ADGRL3: variants seen among roughly 807,000 people sequenced by gnomAD.
ADGRL3 encodes adhesion G protein-coupled receptor L3, also known as calcium-independent alpha-latrotoxin receptor 3.
In ADGRL3, 62 loss-of-function variants were observed where a neutral mutation model predicts 153.5. The ratio of observed to expected loss-of-function variants is 0.40; its 90% CI spans 0.33 to 0.50. ADGRL3 has a LOEUF of 0.50. Among genes scored for constraint, ADGRL3 ranks in the 20% least tolerant of loss-of-function variants. ADGRL3 has a pLI of 0.47. For missense variants in ADGRL3, 1,641 were observed against 1,859.4 expected, an observed-to-expected ratio of 0.88 and a Z score of 2.16; for synonymous variants, 710 against 672.5, an observed-to-expected ratio of 1.06 and a Z score of -0.86.
At chr4:61,968,612 C>T (rs562448415) in intron 17 of ADGRL3, among the ~76,000 whole-genome samples, 11 of 152,238 alleles carry the variant, frequency 7.2e-5, no homozygotes, top group Admixed American at 3.9e-4. Context: ...CTCCCATTTC[C>T]AGAAAGTCAA....
chr4:61,445,280 C>A (rs1031146189), intron 2 of ADGRL3, among the ~76,000 whole-genome samples: 1 of 152,168 alleles, frequency 6.6e-6, no homozygotes, highest in African/African-American at 2.4e-5. Flanking sequence ...GACTTGATCT[C>A]AAGCTTGCCT....
chr4:61,744,951 A>G (rs998400174), intron 8 of ADGRL3, among the ~76,000 whole-genome samples: 6 of 152,154 alleles, frequency 3.9e-5, no homozygotes, highest in Non-Finnish European at 7.4e-5. Context: ...AAAGGCAAAG[A>G]AGTTGAAAAC....
intron 2 of ADGRL3, among the ~76,000 whole-genome samples, chr4:61,409,564 A>G (rs2097058351): frequency 6.6e-6 from 1 of 151,220 alleles, no homozygotes; most frequent in Admixed American, 6.6e-5. Context: ...GTCCACATGA[A>G]TCATACAAAA....
intron 8 of ADGRL3, among the ~76,000 whole-genome samples, chr4:61,793,006 A>G (rs1377245072): frequency 6.6e-6 from 1 of 151,986 alleles, no homozygotes; most frequent in Non-Finnish European, 1.5e-5. Context: ...GTTGATTGGA[A>G]TCACAGTTCC....
chr4:61,972,540 A>G (rs1320622144), intron 17 of ADGRL3, among the ~76,000 whole-genome samples: 1 of 152,126 alleles, frequency 6.6e-6, no homozygotes, highest in African/African-American at 2.4e-5. Context: ...TAGCTGTACC[A>G]TGCTGTTTTG....
At chr4:61,678,820 G>A (rs1330302941) in intron 6 of ADGRL3, among the ~76,000 whole-genome samples, 1 of 151,928 alleles carries the variant, frequency 6.6e-6, no homozygotes, top group East Asian at 1.9e-4. Context: ...AAATTATCTG[G>A]AGTATGTTTC....
chr4:61,781,795 A>G (rs1446248236), intron 8 of ADGRL3, among the ~76,000 whole-genome samples: 1 of 152,198 alleles, frequency 6.6e-6, no homozygotes, highest in African/African-American at 2.4e-5. Context: ...TAAAGCTTAA[A>G]ATATGAATCC....
chr4:61,921,516 T>G (rs909356264), intron 13 of ADGRL3, among the ~76,000 whole-genome samples: 1 of 152,142 alleles, frequency 6.6e-6, no homozygotes, highest in Non-Finnish European at 1.5e-5. Context: ...CCTCCCGGGT[T>G]CAAGCGCTTC....
chr4:62,068,190 G>C lies in ADGRL3; in HGVS notation c.3832+7G>C. On this transcript the variant is annotated splice_region_variant and intron_variant, in intron 26 of 26. Transcript: ENST00000683033. The stretch of plus-strand genomic sequence containing the variant: ...GAGCCCTACAGAGAGACAAGTATGG[G>C]AGTAAAGCTAAACATTGCATATCAA... 1 of 1,584,756 alleles carries C rather than the reference G, an allele frequency of 6.3e-7. No homozygotes were observed. Among genetic ancestry groups the C allele is most frequent in the South Asian group, 1.1e-5 (1 of 88,646 alleles).
chr4:61,486,213 G>C lies in ADGRL3; in HGVS notation c.-173-10908G>C, dbSNP rs980028691. Among the ~76,000 whole-genome samples the C allele has an allele frequency of 3.3e-5, 5 of 152,008 alleles. No individual in the cohort carries two copies. The South Asian group carries it at 1.0e-3, about 32-fold the overall frequency. On this transcript the variant is annotated intron_variant, in intron 2 of 26. Coordinates refer to ENST00000683033, the MANE Select transcript of ADGRL3 (RefSeq NM_001387552.1). The stretch of plus-strand genomic sequence containing the variant: ...CCCACCTCGGCCTCCCAAAGTGCTG[G>C]GATTACAGGTGTGAGCCACCATACC...
At chr4:61,509,516 T>C (rs2098451342) in intron 3 of ADGRL3, among the ~76,000 whole-genome samples, 1 of 152,160 alleles carries the variant, frequency 6.6e-6, no homozygotes, top group South Asian at 2.1e-4. Flanking sequence ...GTTCCTGTGT[T>C]AATTCACTTA....
chr4:62,041,102 G>C (rs552024746), intron 24 of ADGRL3, among the ~76,000 whole-genome samples: 2 of 152,130 alleles, frequency 1.3e-5, no homozygotes, highest in South Asian at 4.1e-4. Context: ...ACTTTGGATA[G>C]CCAGTGAGAT....
chr4:61,797,427 G>A (rs1294658791), intron 8 of ADGRL3, among the ~76,000 whole-genome samples: 1 of 151,932 alleles, frequency 6.6e-6, no homozygotes, highest in South Asian at 2.1e-4. Context: ...CAGAGTATGG[G>A]GAAAAAATAA....
chr4:61,355,684 C>T (rs2096150932), intron 1 of ADGRL3, among the ~76,000 whole-genome samples: 1 of 152,098 alleles, frequency 6.6e-6, no homozygotes, highest in African/African-American at 2.4e-5. Flanking sequence ...GATCCACTCT[C>T]TCCATAAAAT....
intron 5 of ADGRL3, among the ~76,000 whole-genome samples, chr4:61,592,737 T>A (rs1040933242): frequency 6.6e-6 from 1 of 152,212 alleles, no homozygotes; most frequent in Non-Finnish European, 1.5e-5. Flanking sequence ...AATTTAATTT[T>A]GAAAGAAATT....
intron 5 of ADGRL3, among the ~76,000 whole-genome samples, chr4:61,671,834 C>T (rs1357703117): frequency 6.6e-6 from 1 of 152,118 alleles, no homozygotes; most frequent in Non-Finnish European, 1.5e-5. Context: ...ACAGCAGTAT[C>T]ATGATTTTCA....
chr4:61,362,484 G>A (rs866734596), intron 1 of ADGRL3, among the ~76,000 whole-genome samples: 5 of 151,914 alleles, frequency 3.3e-5, no homozygotes, highest in African/African-American at 4.8e-5. Context: ...CTTAACTACC[G>A]ATAGACTATT....
chr4:61,660,905 A>G (rs2094575084), intron 5 of ADGRL3, among the ~76,000 whole-genome samples: 1 of 152,234 alleles, frequency 6.6e-6, no homozygotes, highest in South Asian at 2.1e-4. Flanking sequence ...AATTGTCTTT[A>G]GAAACCCTGT....
intron 25 of ADGRL3, among the ~76,000 whole-genome samples, chr4:62,049,617 G>A (rs1369595703): frequency 1.3e-5 from 2 of 152,128 alleles, no homozygotes; most frequent in Non-Finnish European, 2.9e-5. Flanking sequence ...TATTTTCATA[G>A]ATTTTTAAGG....
Sources: allele counts gnomAD v4.1 joint callset (sites outside exome capture counted in the v4.1 genomes callset), GRCh38; gene constraint gnomAD v4.1.1; transcripts MANE v1.5; gene names NCBI Gene and HGNC (gene_info 2026-07-23, HGNC 2026-07-21).